ADCY1: variants seen among roughly 807,000 people sequenced by gnomAD.
ADCY1 encodes adenylate cyclase 1, also known as adenylate cyclase type 1.
A neutral mutation model predicts 105.4 loss-of-function variants in ADCY1; 28 were observed. That is an observed-to-expected ratio of 0.27 (90% CI 0.20 to 0.36). ADCY1 has a LOEUF of 0.36. ADCY1 is among the 10% of genes least tolerant of loss of function. The pLI, the probability that ADCY1 is intolerant of heterozygous loss-of-function variation, is 1.00. For missense variants in ADCY1, 977 were observed against 1,434.2 expected (o/e 0.68, Z 5.15); for synonymous variants, 655 against 623.8 (o/e 1.05, Z -0.75).
chr7:45,711,735 GTATA>G (rs1403585227), intron 19 of ADCY1, among the ~76,000 whole-genome samples: 2 of 140,298 alleles, frequency 1.4e-5, no homozygotes, highest in South Asian at 4.3e-4. Context: ...ATATATGTGT[GTATA>G]TATACGTGTG....
Position 45,722,805 on chromosome 7 carries a change from C to G in ADCY1, c.*8810C>G, listed in dbSNP as rs959228540. The G allele has an allele frequency of 2.0e-5, 3 of 152,584 alleles. No individual in the cohort carries two copies. Among genetic ancestry groups the G allele is most frequent in the Non-Finnish European group, 4.4e-5 (3 of 68,034 alleles). The allele number at this position is 152,584 out of a possible 1,614,324, so 9.5% of individuals were successfully genotyped here. On this transcript the variant is annotated 3_prime_UTR_variant, in exon 20 of 20. Transcript: ENST00000297323. ...GATGCTTCTGTAGAAGTGAGAAACACGATGAGTACATTCAGAATTACAATA... is the reference window on the plus strand; with the variant it reads ...GATGCTTCTGTAGAAGTGAGAAACAGGATGAGTACATTCAGAATTACAATA...
chr7:45,702,301 TGGGTGTGTTAC>T (rs1785014046), intron 14 of ADCY1, among the ~76,000 whole-genome samples: 1 of 152,184 alleles, frequency 6.6e-6, no homozygotes, highest in Non-Finnish European at 1.5e-5. Flanking sequence ...CCTCTAACAG[TGGGTGTGTTAC>T]ACCCATTTTA....
chr7:45,576,454 G>T (rs1034339329), intron 1 of ADCY1, among the ~76,000 whole-genome samples: 1 of 152,142 alleles, frequency 6.6e-6, no homozygotes. Flanking sequence ...GGGCAGGGGC[G>T]GGAGGGAAGA....
chr7:45,592,571 A>G (rs1386111069), intron 1 of ADCY1, among the ~76,000 whole-genome samples, 188 bp from the exon 2 acceptor site: 1 of 152,178 alleles, frequency 6.6e-6, no homozygotes, highest in African/African-American at 2.4e-5. Flanking sequence ...GCTGTCTCAC[A>G]GCCGCCCGGA....
chr7:45,579,951 C>G (rs1407639255), intron 1 of ADCY1, among the ~76,000 whole-genome samples: 2 of 150,098 alleles, frequency 1.3e-5, no homozygotes, highest in Admixed American at 6.6e-5. Context: ...CCCGTCCCCC[C>G]CTTCCCCCTT....
In ADCY1 at chr7:45,628,784, C is replaced by G. The variant is rs117704671; in HGVS notation, c.1020+6041C>G. On this transcript the variant is annotated intron_variant, in intron 4 of 19. Coordinates refer to ENST00000297323, the MANE Select transcript of ADCY1 (RefSeq NM_021116.4). ...GTGTGGCCTAACTAGTGCCTGCCTT[C>G]CGATAATGCGTGTGAGTTCTGTGGT... Among the ~76,000 whole-genome samples the G allele has an allele frequency of 3.8e-3, 580 of 152,312 alleles. 3 individuals carry two copies. The highest frequency in any genetic ancestry group is 6.8e-3 in the Non-Finnish European group (462 of 68,024).
At chr7:45,702,246 A>G (rs2461116) in intron 14 of ADCY1, among the ~76,000 whole-genome samples, 141,139 of 152,292 alleles carry the variant, frequency 0.93, 65,878 homozygotes, top group East Asian at 1. Context: ...ACTAAGGGGC[A>G]TGCTGTCCCC....
At chr7:45,617,727 AT>A (rs1364633109) in intron 3 of ADCY1, among the ~76,000 whole-genome samples, 1 of 152,246 alleles carries the variant, frequency 6.6e-6, no homozygotes, top group African/African-American at 2.4e-5. Context: ...GATGAAAGAT[AT>A]TGACAAGGAC....
intron 14 of ADCY1, among the ~76,000 whole-genome samples, chr7:45,697,674 G>C (rs897745231): frequency 6.6e-6 from 1 of 152,226 alleles, no homozygotes; most frequent in Non-Finnish European, 1.5e-5. Context: ...ACAGGCGTAA[G>C]CCACTGCGCC....
rs377408484 is a variant in ADCY1 at position 45,685,095 on chromosome 7, G to C, written c.2073+27G>C. The C allele has an allele frequency of 3.8e-6, 6 of 1,594,432 alleles. No individual in the cohort carries two copies. In the African/African-American group the frequency reaches 8.0e-5, roughly 21 times the overall value. On this transcript the variant is annotated intron_variant, in intron 12 of 19. Transcript: ENST00000297323. ...TGAGCATCTCCAGCTTGTGGCATGC[G>C]CTGGGGCGGGAGAGGGCATGGCATG...
At chr7:45,661,390 G>T (rs1398938456) in intron 7 of ADCY1, among the ~76,000 whole-genome samples, 2 of 152,086 alleles carry the variant, frequency 1.3e-5, no homozygotes, top group Non-Finnish European at 2.9e-5. Context: ...AAGGGGTACC[G>T]CATTCCTGGA....
rs1420792653 is a variant in ADCY1 at position 45,719,333 on chromosome 7, T to C, written c.*5338T>C. On this transcript the variant is annotated 3_prime_UTR_variant, in exon 20 of 20. Transcript: ENST00000297323. ...ACGCACTGGAAAGTATTCTAGGGGC[T>C]TCCTGCCTTATCCTTCTGTTTGTTC... The C allele has an allele frequency of 1.3e-5, 2 of 152,310 alleles. No homozygotes were observed. Among genetic ancestry groups the C allele is most frequent in the African/African-American group, 4.8e-5 (2 of 41,474 alleles). The allele number at this position is 152,310 out of a possible 1,614,324, so 9.4% of individuals were successfully genotyped here.
intron 1 of ADCY1, among the ~76,000 whole-genome samples, chr7:45,578,088 G>A (rs2115695150): frequency 6.6e-6 from 1 of 152,290 alleles, no homozygotes; most frequent in Non-Finnish European, 1.5e-5. Context: ...GGTGCTTTGG[G>A]GCATCTGGTT....
At chr7:45,705,336 C>T (rs1395285338) in intron 17 of ADCY1, among the ~76,000 whole-genome samples, 1 of 152,288 alleles carries the variant, frequency 6.6e-6, no homozygotes, top group South Asian at 2.1e-4. Context: ...AATATTAGCA[C>T]ATTGAATTCA....
At chr7:45,636,651 C>T (rs1233820708) in intron 4 of ADCY1, among the ~76,000 whole-genome samples, 1 of 152,222 alleles carries the variant, frequency 6.6e-6, no homozygotes, top group Non-Finnish European at 1.5e-5. Flanking sequence ...AGAGATTCTC[C>T]TGCCTCAACC....
chr7:45,683,019 A>G (rs964999854), intron 11 of ADCY1, among the ~76,000 whole-genome samples: 3 of 152,082 alleles, frequency 2.0e-5, no homozygotes, highest in South Asian at 2.1e-4. Context: ...CTCAGTTGAC[A>G]TCATCTCCCG....
At position 45,703,670 on chromosome 7, in the gene ADCY1, A is replaced by C; in HGVS notation, c.2642A>C (p.Tyr881Ser). ...TCCATCCCCAACTTCAATGACTTCT[A>C]CATCGAGCTGGACGGCAACAACATG... The part of the protein sequence containing the change: ...FASIPNFNDF[Y>S]IELDGNNMGV... The change falls in exon 16 of 20, where the codon TAC becomes TCC. Residue 881 changes from tyrosine to serine, a missense_variant. Tyr to Ser is a moderately radical substitution (Grantham distance 144). Transcript: ENST00000297323. This position sits in a 1 kb window ranked among gnomAD's most constrained non-coding sequence, Gnocchi z 5.9. 6.2e-7 allele frequency: 1 copy of C among 1,613,316 alleles called. No homozygotes were observed. The highest frequency in any genetic ancestry group is 8.5e-7 in the Non-Finnish European group (1 of 1,179,616).
At chr7:45,629,643 C>G (rs1371086951) in intron 4 of ADCY1, among the ~76,000 whole-genome samples, 1 of 152,124 alleles carries the variant, frequency 6.6e-6, no homozygotes, top group Non-Finnish European at 1.5e-5. Context: ...CTTAGCCTCC[C>G]TAGTAGCTGG....
chr7:45,601,859 G>A (rs1321612349), intron 2 of ADCY1, among the ~76,000 whole-genome samples: 1 of 152,124 alleles, frequency 6.6e-6, no homozygotes, highest in East Asian at 1.9e-4. Context: ...GAAGGGGCCT[G>A]AAACCCTCCA....
Sources: allele counts gnomAD v4.1 joint callset (sites outside exome capture counted in the v4.1 genomes callset), GRCh38; gene constraint gnomAD v4.1.1; non-coding constraint Gnocchi (gnomAD v3.1); transcripts MANE v1.5; gene names NCBI Gene and HGNC (gene_info 2026-07-23, HGNC 2026-07-21).